TAFA1: variants seen among roughly 807,000 people sequenced by gnomAD.
TAFA1 encodes TAFA chemokine like family member 1.
TAFA1 carries 4 observed loss-of-function variants against 18.5 expected under a neutral mutation model. The observed-to-expected ratio is 0.22, with a 90% CI of 0.11 to 0.49. The LOEUF (loss-of-function observed/expected upper bound fraction) is 0.49. Ranked by LOEUF, TAFA1 falls within the 20% of genes least tolerant of loss-of-function variation. The probability of loss-of-function intolerance (pLI) is 0.98; values close to 1 mark genes in which losing one functional copy is unlikely to be tolerated. For synonymous variants in TAFA1, 56 were observed against 55.2 expected (o/e 1.01, Z -0.06); for missense variants, 147 against 169.0 (o/e 0.87, Z 0.72).
intron 2 of TAFA1, among the ~76,000 whole-genome samples, chr3:68,027,787 A>G (rs899281185): frequency 6.6e-6 from 1 of 152,170 alleles, no homozygotes; most frequent in African/African-American, 2.4e-5. Flanking sequence ...TATATTAACT[A>G]GTGTTCTCAG....
intron 2 of TAFA1, among the ~76,000 whole-genome samples, chr3:68,184,134 T>G (rs2066240854): frequency 6.6e-6 from 1 of 152,116 alleles, no homozygotes; most frequent in Non-Finnish European, 1.5e-5. Context: ...GAACTGGACA[T>G]CAAAAAGTGT....
At chr3:68,123,568 G>A (rs564797185) in intron 2 of TAFA1, among the ~76,000 whole-genome samples, 63 of 152,164 alleles carry the variant, frequency 4.1e-4, no homozygotes, top group Non-Finnish European at 5.3e-4. Flanking sequence ...TTTCTGAAAA[G>A]AGATGGTCTG....
At chr3:68,321,988 G>GT (rs976695448) in intron 2 of TAFA1, among the ~76,000 whole-genome samples, 9 of 152,108 alleles carry the variant, frequency 5.9e-5, no homozygotes, top group South Asian at 2.1e-4. Flanking sequence ...CAAAGACAGA[G>GT]TTTTTTTCCC....
chr3:68,481,023 G>T (rs2072227756), intron 3 of TAFA1, among the ~76,000 whole-genome samples: 2 of 152,140 alleles, frequency 1.3e-5, no homozygotes, highest in Non-Finnish European at 2.9e-5. Flanking sequence ...CTTCCACCAT[G>T]ATTGTGAGGC....
chr3:68,305,466 G>A (rs1244594138), intron 2 of TAFA1, among the ~76,000 whole-genome samples: 1 of 112,528 alleles, frequency 8.9e-6, no homozygotes, highest in Non-Finnish European at 1.8e-5. Context: ...TAGGTAGAAG[G>A]GGTTAGGACT....
intron 2 of TAFA1, among the ~76,000 whole-genome samples, chr3:68,047,300 C>A (rs1405770147): frequency 8.5e-5 from 13 of 152,122 alleles, no homozygotes; most frequent in Admixed American, 7.9e-4. Context: ...TACCTGGCCC[C>A]AGATATGAAA....
chr3:68,058,270 T>C (rs1207484725), intron 2 of TAFA1, among the ~76,000 whole-genome samples: 1 of 152,224 alleles, frequency 6.6e-6, no homozygotes, highest in African/African-American at 2.4e-5. Flanking sequence ...AATAAGGATT[T>C]GTATCTTATA....
intron 2 of TAFA1, among the ~76,000 whole-genome samples, chr3:68,347,099 C>T (rs2069175576): frequency 6.6e-6 from 1 of 152,198 alleles, no homozygotes; most frequent in Non-Finnish European, 1.5e-5. Context: ...ATTCTTGAAT[C>T]ATGGCCGTTA....
chr3:68,290,563 G>C (rs1159626897), intron 2 of TAFA1, among the ~76,000 whole-genome samples: 1 of 152,060 alleles, frequency 6.6e-6, no homozygotes, highest in Non-Finnish European at 1.5e-5. Context: ...ATCCCATTCA[G>C]ACCAGGAGTA....
At chr3:68,370,353 T>TAC (rs1553682471) in intron 2 of TAFA1, among the ~76,000 whole-genome samples, 446 of 41,076 alleles carry the variant, frequency 0.011, 29 homozygotes, top group East Asian at 0.03. Context: ...TATATATATA[T>TAC]ACACACACAC....
At chr3:68,204,029 A>G (rs2066498188) in intron 2 of TAFA1, among the ~76,000 whole-genome samples, 1 of 138,438 alleles carries the variant, frequency 7.2e-6, no homozygotes, top group Non-Finnish European at 1.5e-5. Flanking sequence ...TCAGCAATTC[A>G]TTGATTACAG....
At chr3:68,326,698 A>T (rs2068782523) in intron 2 of TAFA1, among the ~76,000 whole-genome samples, 1 of 152,224 alleles carries the variant, frequency 6.6e-6, no homozygotes, top group Non-Finnish European at 1.5e-5. Flanking sequence ...GAAAATCAGA[A>T]TTTGAAAAGC....
At chr3:68,459,125 G>T (rs13076215) in intron 3 of TAFA1, among the ~76,000 whole-genome samples, 1 of 151,866 alleles carries the variant, frequency 6.6e-6, no homozygotes, top group Non-Finnish European at 1.5e-5. Context: ...TTGAGTGCAG[G>T]GTGCTCCCTG....
Position 68,465,709 on chromosome 3 carries a change from A to C in TAFA1, c.259+48289A>C, listed in dbSNP as rs185349600. ...GTCTCTAGCCACAGGTCCATATTCT[A>C]ACCATCAGGAAAGAGAAAAGACAGA... On this transcript the variant is annotated intron_variant, in intron 3 of 4. Coordinates refer to ENST00000478136, the MANE Select transcript of TAFA1 (RefSeq NM_213609.4). Among the ~76,000 whole-genome samples the C allele has an allele frequency of 3.9e-5, 6 of 152,300 alleles. No homozygotes were observed. In the East Asian group the frequency reaches 1.2e-3, roughly 29 times the overall value.
chr3:68,504,976 G>A (rs988712331), intron 3 of TAFA1, among the ~76,000 whole-genome samples: 1 of 152,120 alleles, frequency 6.6e-6, no homozygotes, highest in Admixed American at 6.6e-5. Context: ...ATGCAGAATG[G>A]TAAGAACAGA....
chr3:68,294,203 C>A (rs541853541), intron 2 of TAFA1, among the ~76,000 whole-genome samples: 9 of 152,242 alleles, frequency 5.9e-5, no homozygotes, highest in Non-Finnish European at 1.2e-4. Flanking sequence ...ATCGAAAGGA[C>A]AGTGTAATTC....
At chr3:68,069,982 G>C (rs186796089) in intron 2 of TAFA1, among the ~76,000 whole-genome samples, 1 of 152,200 alleles carries the variant, frequency 6.6e-6, no homozygotes, top group South Asian at 2.1e-4. Flanking sequence ...GGCATTGAGT[G>C]TCTATGGCTT....
At chr3:68,229,261 T>C (rs2066841653) in intron 2 of TAFA1, among the ~76,000 whole-genome samples, 1 of 152,218 alleles carries the variant, frequency 6.6e-6, no homozygotes, top group African/African-American at 2.4e-5. Flanking sequence ...TTGCTCTTTC[T>C]CATGTTTTTA....
chr3:68,351,008 C>A (rs777106904), intron 2 of TAFA1, among the ~76,000 whole-genome samples: 76 of 152,094 alleles, frequency 5.0e-4, no homozygotes, highest in Admixed American at 9.8e-4. Flanking sequence ...AGGTGGCTTA[C>A]CTGTATTCCA....
Sources: allele counts gnomAD v4.1 joint callset (sites outside exome capture counted in the v4.1 genomes callset), GRCh38; gene constraint gnomAD v4.1.1; transcripts MANE v1.5; gene names NCBI Gene and HGNC (gene_info 2026-07-23, HGNC 2026-07-21).